The following CD164 variants were observed in gnomAD, a reference collection of about 807,000 sequenced individuals.
CD164 encodes sialomucin core protein 24.
In CD164, 11 loss-of-function variants were observed where a neutral mutation model predicts 24.6. The observed-to-expected ratio is 0.45, with a 90% CI of 0.28 to 0.74. The LOEUF is 0.74. Among genes scored for constraint, CD164 ranks in the 30% least tolerant of loss-of-function variants. The pLI, the probability that CD164 is intolerant of heterozygous loss-of-function variation, is 0.13. For missense variants in CD164, 295 were observed against 243.7 expected, an observed-to-expected ratio of 1.21 and a Z score of -1.40; for synonymous variants, 126 against 100.3, an observed-to-expected ratio of 1.26 and a Z score of -1.53.
intron 3 of CD164, 35 bp downstream of exon 3, chr6:109,377,865 C>T (rs201362068): frequency 1.1e-5 from 17 of 1,515,778 alleles, no homozygotes; most frequent in East Asian, 9.0e-5. Flanking sequence ...CACCTCTCTG[C>T]GGTCAGCTTC....
At chr6:109,372,150 T>C (rs1771113175) in intron 4 of CD164, 1 of 152,166 alleles carries the variant, frequency 6.6e-6, no homozygotes, top group South Asian at 2.1e-4. Flanking sequence ...TTCACTGCAT[T>C]AGACTTTCAA....
At position 109,368,798 on chromosome 6, in the gene CD164, T is replaced by G. The variant is rs1262355357; in HGVS notation, c.*53A>C. 22 of 1,559,994 alleles carry G rather than the reference T, an allele frequency of 1.4e-5. No individual in the cohort carries two copies. In the South Asian group the frequency reaches 2.6e-4, roughly 18 times the overall value. ...ACATCTTAAAAGATAGTATTTTGGC[T>G]TCAGTGAGTTACACAAATGAATCAC... is the stretch of plus-strand genomic sequence containing the variant. On this transcript the variant is annotated 3_prime_UTR_variant, in exon 6 of 6. Coordinates refer to ENST00000310786, the MANE Select transcript of CD164 (RefSeq NM_006016.6).
intron 2 of CD164, among the ~76,000 whole-genome samples, 191 bp from the exon 3 acceptor site, chr6:109,378,162 T>G (rs1356567586): frequency 6.6e-6 from 1 of 152,218 alleles, no homozygotes; most frequent in Non-Finnish European, 1.5e-5. Flanking sequence ...CCCACTGACT[T>G]AGAGATTACG....
chr6:109,377,502 C>T (rs1225141253), intron 3 of CD164, among the ~76,000 whole-genome samples: 2 of 152,202 alleles, frequency 1.3e-5, no homozygotes, highest in East Asian at 3.9e-4. Context: ...GCTCATTTAA[C>T]CACAGCACCA....
chr6:109,368,632 A>C lies in CD164; in HGVS notation c.*219T>G. 2 of 1,358,718 alleles carry C rather than the reference A, an allele frequency of 1.5e-6. No individual in the cohort carries two copies. The highest frequency in any genetic ancestry group is 1.9e-6 in the Non-Finnish European group (2 of 1,061,856). The allele number at this position is 1,358,718 out of a possible 1,614,324, so 84.2% of individuals were successfully genotyped here. Reference sequence around the variant, plus strand: ...AGCAGCTATTTAAAATAAGACAGCCACAGGATTCATGCAGAATATTTTAAA... The same window carrying C: ...AGCAGCTATTTAAAATAAGACAGCCCCAGGATTCATGCAGAATATTTTAAA... On this transcript the variant is annotated 3_prime_UTR_variant, in exon 6 of 6. Transcript: ENST00000310786.
chr6:109,367,155 T>TC lies in CD164; in HGVS notation c.*1695dup, dbSNP rs1473954228. On this transcript the variant is annotated 3_prime_UTR_variant, in exon 6 of 6. Transcript: ENST00000310786. ...AAAAAATGTGAGGTAAACCGACCTTTCCCCAAGAAACTTTGAAGCCAGAGA... is the reference window on the plus strand; with the variant it reads ...AAAAAATGTGAGGTAAACCGACCTTTCCCCCAAGAAACTTTGAAGCCAGAGA... 6.6e-6 allele frequency: 1 copy of TC among 152,578 alleles called. No homozygotes were observed. Among genetic ancestry groups the TC allele is most frequent in the Non-Finnish European group, 1.5e-5 (1 of 68,020 alleles). 9.5% of individuals were successfully genotyped at this position (152,578 alleles called of 1,614,324 possible).
Position 109,368,897 on chromosome 6 carries a change from A to G in CD164, c.548T>C (p.Leu183Pro), listed in dbSNP as rs147393458. The G allele has an allele frequency of 1.5e-4, 242 of 1,613,350 alleles. No individual in the cohort carries two copies. Among genetic ancestry groups the G allele is most frequent in the Non-Finnish European group, 1.9e-4 (230 of 1,179,784 alleles). The change falls in exon 6 of 6, where the codon CTT becomes CCT. Residue 183 changes from leucine to proline, a missense_variant. Coordinates refer to ENST00000310786, the MANE Select transcript of CD164 (RefSeq NM_006016.6). ...TTCTTTAGATTTGCAGAATTTATAA[A>G]GAAAGAAAATTACAGCCTGCACACC... Reference protein sequence around the residue: ...VLGVQAVIFFLYKFCKSKERN... With the variant: ...VLGVQAVIFFPYKFCKSKERN...
intron 4 of CD164, among the ~76,000 whole-genome samples, chr6:109,373,343 A>T (rs183415735): frequency 6.6e-6 from 1 of 152,330 alleles, no homozygotes; most frequent in East Asian, 1.9e-4. Context: ...TATAAATTAG[A>T]TTCTCTTTGC....
intron 4 of CD164, among the ~76,000 whole-genome samples, chr6:109,373,275 T>C (rs1228205598): frequency 1.3e-5 from 2 of 152,248 alleles, no homozygotes; most frequent in African/African-American, 2.4e-5. Flanking sequence ...ATTTTGGCTA[T>C]TCTATTATTT....
In CD164 at chr6:109,368,471, A is replaced by G. The variant is rs1231951837; in HGVS notation, c.*380T>C. 1 of 1,370,850 alleles carries G rather than the reference A, an allele frequency of 7.3e-7. No individual in the cohort carries two copies. Among genetic ancestry groups the G allele is most frequent in the East Asian group, 2.8e-5 (1 of 35,836 alleles). 84.9% of individuals were successfully genotyped at this position (1,370,850 alleles called of 1,614,324 possible). On this transcript the variant is annotated 3_prime_UTR_variant, in exon 6 of 6. Transcript: ENST00000310786. ...GATTCTCATTTGGCACGTTCTTCTC[A>G]ATTCTGTTCACTAAATTAAAATTAC...
At chr6:109,372,861 T>TG (rs1771161271) in intron 4 of CD164, 1 of 152,238 alleles carries the variant, frequency 6.6e-6, no homozygotes, top group African/African-American at 2.4e-5. Context: ...TTGGTTCTCA[T>TG]TACCCAGCCT....
At chr6:109,378,532 T>G (rs1284136472) in intron 2 of CD164, among the ~76,000 whole-genome samples, 1 of 152,176 alleles carries the variant, frequency 6.6e-6, no homozygotes, top group African/African-American at 2.4e-5. Flanking sequence ...CATAACACTG[T>G]AGAAACTCTA....
In CD164 at chr6:109,376,589, T is replaced by C. The variant is rs535262447; in HGVS notation, c.332-477A>G. ...GCTGAACTCTAGTCCAGACTTCCTT[T>C]ACATGAGAGAAAAGTAAATCAGTCC... On this transcript the variant is annotated intron_variant, in intron 3 of 5. Transcript: ENST00000310786. Among the ~76,000 whole-genome samples the C allele has an allele frequency of 3.9e-5, 6 of 152,328 alleles. No individual in the cohort carries two copies. In the South Asian group the frequency reaches 1.2e-3, roughly 32 times the overall value.
chr6:109,373,732 T>C (rs1026414129), intron 4 of CD164, among the ~76,000 whole-genome samples: 5 of 152,226 alleles, frequency 3.3e-5, no homozygotes, highest in African/African-American at 1.2e-4. Context: ...ACCTTCAACA[T>C]CCTACTTAGT....
In CD164 at chr6:109,368,232, T is replaced by C; in HGVS notation, c.*619A>G. ...TTATATTCTCAATGACATAAGATGC[T>C]TTACAAGTATGAACAATAATCTGTT... On this transcript the variant is annotated 3_prime_UTR_variant, in exon 6 of 6. Transcript: ENST00000310786. 1 of 1,492,268 alleles carries C rather than the reference T, an allele frequency of 6.7e-7. No homozygotes were observed. Among genetic ancestry groups the C allele is most frequent in the East Asian group, 2.6e-5 (1 of 39,110 alleles). 92.4% of individuals were successfully genotyped at this position (1,492,268 alleles called of 1,614,324 possible).
In CD164 at chr6:109,382,287, G is replaced by C; in HGVS notation, c.92C>G (p.Pro31Arg). The C allele has an allele frequency of 6.3e-7, 1 of 1,586,086 alleles. No homozygotes were observed. The highest frequency in any genetic ancestry group is 8.6e-7 in the Non-Finnish European group (1 of 1,169,106). The change falls in exon 1 of 6, where the codon CCG becomes CGG. Residue 31 changes from proline to arginine, a missense_variant. By Grantham distance (103) the Pro-to-Arg change is moderately radical. Coordinates refer to ENST00000310786, the MANE Select transcript of CD164 (RefSeq NM_006016.6). ...LSADKNTTQH[P>R]NVTTLAPISN... ...GATGGGCGCTAAAGTCGTCACGTTCGGGTGCTGGGTCGTGTTCTTGTCCGC... is the reference window on the plus strand; with the variant it reads ...GATGGGCGCTAAAGTCGTCACGTTCCGGTGCTGGGTCGTGTTCTTGTCCGC...
In CD164 at chr6:109,366,529, T is replaced by A. The variant is rs988346136; in HGVS notation, c.*2322A>T. 1.3e-5 allele frequency: 2 copies of A among 152,390 alleles called. No individual in the cohort carries two copies. The highest frequency in any genetic ancestry group is 4.8e-5 in the African/African-American group (2 of 41,452). The allele number at this position is 152,390 out of a possible 1,614,324, so 9.4% of individuals were successfully genotyped here. Reference sequence around the variant, plus strand: ...TAACACACTATTAATTCAATAAACATGTAGATTTATTTTAAGTCAGTTTGG... The same window carrying A: ...TAACACACTATTAATTCAATAAACAAGTAGATTTATTTTAAGTCAGTTTGG... On this transcript the variant is annotated 3_prime_UTR_variant, in exon 6 of 6. Transcript: ENST00000310786.
intron 2 of CD164, among the ~76,000 whole-genome samples, 191 bp from the exon 3 acceptor site, chr6:109,378,162 T>TA (rs1491511435): frequency 7.9e-5 from 12 of 152,218 alleles, no homozygotes; most frequent in East Asian, 3.8e-4. Flanking sequence ...CCCACTGACT[T>TA]AGAGATTACG....
intron 1 of CD164, 35 bp downstream of exon 1, chr6:109,382,169 G>A (rs1374658136): frequency 4.0e-6 from 6 of 1,488,582 alleles, no homozygotes; most frequent in Non-Finnish European, 4.5e-6. Flanking sequence ...CGGCTGGGCA[G>A]GGGAGGGCGG....
Sources: allele counts gnomAD v4.1 joint callset (sites outside exome capture counted in the v4.1 genomes callset), GRCh38; gene constraint gnomAD v4.1.1; transcripts MANE v1.5; gene names NCBI Gene and HGNC (gene_info 2026-07-23, HGNC 2026-07-21).